Variants in PBX1 observed in about 807,000 individuals in gnomAD.
PBX1 encodes PBX homeobox 1, also known as pre-B-cell leukemia transcription factor 1.
PBX1 carries 6 observed loss-of-function variants against 53.4 expected under a neutral mutation model. The observed-to-expected ratio is 0.11, with a 90% CI of 0.06 to 0.22. The LOEUF is 0.22. Ranked by LOEUF, PBX1 falls within the 10% of genes least tolerant of loss-of-function variation. The probability of loss-of-function intolerance (pLI) is 1.00; values close to 1 mark genes in which losing one functional copy is unlikely to be tolerated. For synonymous variants in PBX1, 204 were observed against 212.3 expected (o/e 0.96, Z 0.34); for missense variants, 251 against 551.4 (o/e 0.46, Z 5.46).
chr1:164,824,676 T>A (rs2102374166), intron 8 of PBX1, among the ~76,000 whole-genome samples: 1 of 152,244 alleles, frequency 6.6e-6, no homozygotes, highest in Non-Finnish European at 1.5e-5. Flanking sequence ...CCCCCTTCCT[T>A]AGCCATGGTG....
chr1:164,877,383 C>T (rs1212082488), intron 2 of PBX1, among the ~76,000 whole-genome samples: 1 of 152,170 alleles, frequency 6.6e-6, no homozygotes, highest in Non-Finnish European at 1.5e-5. Flanking sequence ...TAGCTCAAGG[C>T]TGGGCACAGT....
chr1:164,790,019 C>T (rs1288166973), intron 2 of PBX1, among the ~76,000 whole-genome samples: 1 of 151,174 alleles, frequency 6.6e-6, no homozygotes, highest in Non-Finnish European at 1.5e-5. Flanking sequence ...GTGGATAAGG[C>T]TATTAAAATT....
At chr1:164,878,632 T>A (rs1046680480) in intron 2 of PBX1, among the ~76,000 whole-genome samples, 5 of 151,612 alleles carry the variant, frequency 3.3e-5, no homozygotes, top group Admixed American at 3.3e-4. Flanking sequence ...CAATATGCAA[T>A]GACATCACCC....
chr1:164,853,330 A>C (rs967478904), downstream of PBX1, among the ~76,000 whole-genome samples: 1 of 152,178 alleles, frequency 6.6e-6, no homozygotes, highest in African/African-American at 2.4e-5. Context: ...ACAATTGCAC[A>C]CAGTAACTCT....
intron 8 of PBX1, among the ~76,000 whole-genome samples, chr1:164,837,626 G>A (rs1471151752): frequency 6.6e-6 from 1 of 152,192 alleles, no homozygotes; most frequent in African/African-American, 2.4e-5. Context: ...TCAGATATAA[G>A]TAGAATTCTC....
At chr1:164,843,772 A>G (rs953334544) in intron 8 of PBX1, among the ~76,000 whole-genome samples, 1 of 152,102 alleles carries the variant, frequency 6.6e-6, no homozygotes, top group East Asian at 1.9e-4. Context: ...AAGAGATCAA[A>G]TTTTTACTAT....
intron 2 of PBX1, among the ~76,000 whole-genome samples, chr1:164,708,964 G>A (rs540260422): frequency 6.6e-6 from 1 of 152,264 alleles, no homozygotes; most frequent in South Asian, 2.1e-4. Flanking sequence ...TAGGTGCTGG[G>A]GATACTGACT....
At chr1:164,624,531 C>T (rs1414804048) in intron 2 of PBX1, among the ~76,000 whole-genome samples, 1 of 152,106 alleles carries the variant, frequency 6.6e-6, no homozygotes, top group African/African-American at 2.4e-5. Context: ...GGCCACGGAC[C>T]CTGAGGGAGC....
rs1262815054 is a variant in PBX1 at position 164,680,245 on chromosome 1, AT to A, written c.266-112248del. ...CTTAAAAATTATATTCTAGAGGTTT[AT>A]AAAGCAAACATTTATTATATTCATT... On this transcript the variant is annotated intron_variant, in intron 2 of 8. Coordinates refer to ENST00000420696, the MANE Select transcript of PBX1 (RefSeq NM_002585.4). 8 of 152,244 alleles carry A rather than the reference AT, an allele frequency of 5.3e-5. No individual in the cohort carries two copies. The East Asian group carries it at 1.5e-3, about 29-fold the overall frequency. 9.4% of individuals were successfully genotyped at this position (152,244 alleles called of 1,614,324 possible). A position where few individuals can be genotyped will look rare whatever the true frequency, so the allele number is the denominator to read the frequency against.
chr1:164,741,792 C>T (rs1200322125), intron 2 of PBX1, among the ~76,000 whole-genome samples: 2 of 145,838 alleles, frequency 1.4e-5, no homozygotes, highest in Non-Finnish European at 3.0e-5. Context: ...ATTTATAAAC[C>T]ACTGAAGCCC....
chr1:164,821,467 A>T, intron 7 of PBX1, 70 bp from the exon 8 acceptor site: 2 of 1,175,404 alleles, frequency 1.7e-6, no homozygotes, highest in Non-Finnish European at 1.3e-6. Flanking sequence ...GGCCTGCCTG[A>T]TGATGATCTG....
At chr1:164,595,821 A>G (rs1655715092) in intron 2 of PBX1, among the ~76,000 whole-genome samples, 2 of 152,230 alleles carry the variant, frequency 1.3e-5, no homozygotes, top group Non-Finnish European at 2.9e-5. Flanking sequence ...CTCATAAGAA[A>G]AGAATGACAG....
At chr1:164,707,886 C>T (rs1472030716) in intron 2 of PBX1, among the ~76,000 whole-genome samples, 1 of 152,230 alleles carries the variant, frequency 6.6e-6, no homozygotes, top group Non-Finnish European at 1.5e-5. Flanking sequence ...ATTGCGCTAT[C>T]TTGATTAGAA....
intron 2 of PBX1, among the ~76,000 whole-genome samples, chr1:164,712,466 C>T (rs1663852966): frequency 6.6e-6 from 1 of 152,154 alleles, no homozygotes; most frequent in African/African-American, 2.4e-5. Flanking sequence ...GAGAGATAGG[C>T]CAAAATAAGC....
At chr1:164,796,690 T>C (rs1452258197) in intron 3 of PBX1, among the ~76,000 whole-genome samples, 1 of 152,224 alleles carries the variant, frequency 6.6e-6, no homozygotes, top group East Asian at 1.9e-4. Context: ...CCTTTCAGTG[T>C]CTGCTTCCAG....
At chr1:164,565,103 A>G (rs1208435108) in intron 2 of PBX1, among the ~76,000 whole-genome samples, 1 of 152,120 alleles carries the variant, frequency 6.6e-6, no homozygotes, top group Non-Finnish European at 1.5e-5. Flanking sequence ...CTAGTTTCCT[A>G]ATTAAAACCT....
chr1:164,703,144 A>T (rs1663228071), intron 2 of PBX1: 1 of 152,092 alleles, frequency 6.6e-6, no homozygotes, highest in Non-Finnish European at 1.5e-5. Context: ...ACCCCTCCTT[A>T]GGCAACCTAG....
At chr1:164,615,699 T>G (rs565244910) in intron 2 of PBX1, among the ~76,000 whole-genome samples, 6 of 152,310 alleles carry the variant, frequency 3.9e-5, no homozygotes, top group African/African-American at 1.4e-4. Flanking sequence ...TTTGTGTGGT[T>G]TTTGTTTTCT....
At chr1:164,578,924 C>T (rs987374517) in intron 2 of PBX1, among the ~76,000 whole-genome samples, 1 of 152,110 alleles carries the variant, frequency 6.6e-6, no homozygotes. Context: ...TCTCTTCCTC[C>T]CCTCTACTGG....
Sources: gnomAD v4.1 joint callset for allele counts (sites outside exome capture counted in the v4.1 genomes callset) on GRCh38, gnomAD v4.1.1 for gene constraint, MANE v1.5 for transcripts, NCBI Gene and HGNC (gene_info 2026-07-23, HGNC 2026-07-21) for gene names.